IQCM: variants seen among roughly 807,000 people sequenced by gnomAD.
The protein encoded by IQCM is IQ motif containing M.
Under a neutral mutation model 57.6 loss-of-function variants are expected in IQCM, and 45 were observed. The ratio of observed to expected loss-of-function variants is 0.78; its 90% CI spans 0.62 to 1.00. The LOEUF (loss-of-function observed/expected upper bound fraction) is 1.00, where lower values mean the gene tolerates loss of function less well. Ranked by LOEUF, IQCM falls within the 50% of genes least tolerant of loss-of-function variation. The pLI is 0.00. For missense variants in IQCM, 468 were observed against 511.6 expected, an observed-to-expected ratio of 0.91 and a Z score of 0.82; for synonymous variants, 148 against 158.9, an observed-to-expected ratio of 0.93 and a Z score of 0.51.
intron 2 of IQCM, among the ~76,000 whole-genome samples, chr4:149,800,979 A>G (rs1773550362): frequency 1.3e-5 from 2 of 151,936 alleles, no homozygotes; most frequent in Admixed American, 6.6e-5. Flanking sequence ...TAGAAAAAAA[A>G]TTCTAAAATT....
At chr4:149,797,669 C>G (rs1407912364) in intron 2 of IQCM, among the ~76,000 whole-genome samples, 1 of 151,628 alleles carries the variant, frequency 6.6e-6, no homozygotes, top group African/African-American at 2.4e-5. Context: ...AGAAAGAACC[C>G]TAAAAGCAGC....
In IQCM at chr4:149,733,458, T is replaced by G; in HGVS notation, c.171A>C (p.Lys57Asn). 8.1e-7 allele frequency: 1 copy of G among 1,231,194 alleles called. No individual in the cohort carries two copies. The highest frequency in any genetic ancestry group is 1.0e-6 in the Non-Finnish European group (1 of 987,192). The allele number at this position is 1,231,194 out of a possible 1,614,324, so 76.3% of individuals were successfully genotyped here. A position where few individuals can be genotyped will look rare whatever the true frequency, so the allele number is the denominator to read the frequency against. Residue 57 changes from lysine (K) to asparagine (N), a missense_variant, in exon 5 of 14, where the codon AAA becomes AAC. Transcript: ENST00000636793. The stretch of plus-strand genomic sequence containing the variant: ...AAGGTATGTATTTGCCAGATTTCGG[T>G]TTTTGGTGTTTCTTTCTAAAAACAT... ...SINVFRKKHQ[K>N]PKSGKYIPLE...
intron 12 of IQCM, among the ~76,000 whole-genome samples, chr4:149,448,476 T>G (rs72724090): frequency 0.22 from 32,790 of 150,712 alleles, 4,460 homozygotes; most frequent in Non-Finnish European, 0.29. Context: ...ACCCAGAAAA[T>G]ATAAAATAAA....
At chr4:149,635,729 C>T (rs1757663007) in intron 7 of IQCM, among the ~76,000 whole-genome samples, 1 of 152,056 alleles carries the variant, frequency 6.6e-6, no homozygotes, top group African/African-American at 2.4e-5. Context: ...TCTCCAGTCC[C>T]AGAAAAGCAA....
intron 5 of IQCM, among the ~76,000 whole-genome samples, chr4:149,716,992 A>G (rs1291244984): frequency 6.6e-6 from 1 of 152,200 alleles, no homozygotes; most frequent in Non-Finnish European, 1.5e-5. Context: ...TCCCAACTTT[A>G]CAGCAACAGC....
intron 13 of IQCM, among the ~76,000 whole-genome samples, chr4:149,396,249 C>T (rs1423624612): frequency 2.0e-5 from 3 of 151,558 alleles, no homozygotes; most frequent in African/African-American, 7.3e-5. Flanking sequence ...TATCCATAAT[C>T]TTTAGGTAAT....
chr4:149,430,718 T>C (rs897698644), intron 13 of IQCM, among the ~76,000 whole-genome samples: 3 of 152,082 alleles, frequency 2.0e-5, no homozygotes, highest in African/African-American at 7.2e-5. Flanking sequence ...TCTACATGGA[T>C]ATATCACAAT....
chr4:149,530,248 C>A (rs1357150991), intron 12 of IQCM, among the ~76,000 whole-genome samples: 1 of 151,974 alleles, frequency 6.6e-6, no homozygotes, highest in Admixed American at 6.6e-5. Context: ...TGTATATATA[C>A]ACATAAAATA....
At chr4:149,598,039 A>G (rs1477642005) in intron 8 of IQCM, among the ~76,000 whole-genome samples, 1 of 152,180 alleles carries the variant, frequency 6.6e-6, no homozygotes, top group Non-Finnish European at 1.5e-5. Context: ...GAAGAATGAT[A>G]ACTTCAAAAT....
rs58534209 is a variant in IQCM, at chr4:149,515,071, CGTGTGTGTGT to C, written c.1228+33374_1228+33383del. On this transcript the variant is annotated intron_variant, in intron 12 of 13. Transcript: ENST00000636793. ...CTTAATAAACTCCCATATATATACA[CGTGTGTGTGT>C]GTGTGTGTGTGTGTGTGTGTGTGTG... Among the ~76,000 whole-genome samples the C allele has an allele frequency of 2.2e-3, 308 of 142,898 alleles. 1 individual carries two copies. Among genetic ancestry groups the C allele is most frequent in the South Asian group, 0.011 (48 of 4,316 alleles). 93.7% of individuals were successfully genotyped at this position (142,898 alleles called of 152,430 possible).
At chr4:149,730,761 A>G (rs1180660868) in intron 5 of IQCM, among the ~76,000 whole-genome samples, 1 of 152,210 alleles carries the variant, frequency 6.6e-6, no homozygotes, top group Non-Finnish European at 1.5e-5. Context: ...GTTACTTTCT[A>G]TTACAGTATG....
intron 2 of IQCM, among the ~76,000 whole-genome samples, chr4:149,809,939 C>T (rs750513446): frequency 1.3e-5 from 2 of 152,150 alleles, no homozygotes; most frequent in Non-Finnish European, 2.9e-5. Context: ...TCTCAGTTAT[C>T]TCTTTTCCTT....
intron 13 of IQCM, among the ~76,000 whole-genome samples, chr4:149,415,775 G>C (rs1733704942): frequency 6.6e-6 from 1 of 152,074 alleles, no homozygotes; most frequent in Admixed American, 6.6e-5. Context: ...TCTATTCAGA[G>C]TCAGAGAGCT....
At chr4:149,777,297 C>G (rs140462604) in intron 2 of IQCM, among the ~76,000 whole-genome samples, 1 of 152,278 alleles carries the variant, frequency 6.6e-6, no homozygotes, top group East Asian at 1.9e-4. Context: ...TTGACATTCA[C>G]TCTCAGAGCA....
At chr4:149,453,927 G>A (rs906384383) in intron 12 of IQCM, among the ~76,000 whole-genome samples, 5 of 151,412 alleles carry the variant, frequency 3.3e-5, no homozygotes, top group Admixed American at 6.6e-5. Context: ...GTTCTTTGCC[G>A]TATTGTCAAA....
At chr4:149,730,734 C>T (rs1050483108) in intron 5 of IQCM, among the ~76,000 whole-genome samples, 18 of 152,290 alleles carry the variant, frequency 1.2e-4, no homozygotes, top group African/African-American at 4.1e-4. Context: ...TCCTCCTATT[C>T]ACTTTAAAGC....
chr4:149,754,370 C>T (rs1160226254), intron 2 of IQCM, among the ~76,000 whole-genome samples: 2 of 152,206 alleles, frequency 1.3e-5, no homozygotes, highest in Non-Finnish European at 1.5e-5. Flanking sequence ...CTCCCTCTGA[C>T]AATTCCTGCT....
At chr4:149,482,372 G>C (rs1741001412) in intron 12 of IQCM, among the ~76,000 whole-genome samples, 1 of 151,912 alleles carries the variant, frequency 6.6e-6, no homozygotes, top group East Asian at 1.9e-4. Context: ...TTAGAGAAAA[G>C]GGTTTCAGGT....
intron 13 of IQCM, among the ~76,000 whole-genome samples, chr4:149,411,930 T>C (rs1222759595): frequency 2.6e-5 from 4 of 152,226 alleles, no homozygotes; most frequent in African/African-American, 9.6e-5. Context: ...AGGTCTCAGC[T>C]AAGATATGTG....
Sources: gnomAD v4.1 joint callset for allele counts (sites outside exome capture counted in the v4.1 genomes callset) on GRCh38, gnomAD v4.1.1 for gene constraint, MANE v1.5 for transcripts, NCBI Gene and HGNC (gene_info 2026-07-23, HGNC 2026-07-21) for gene names.